ADRA1A: variants seen among roughly 807,000 people sequenced by gnomAD.
ADRA1A encodes adrenoceptor alpha 1A.
A neutral mutation model predicts 29.6 loss-of-function variants in ADRA1A; 31 were observed. The ratio of observed to expected loss-of-function variants is 1.05; its 90% CI spans 0.79 to 1.41. ADRA1A has a LOEUF of 1.41. ADRA1A is among the 40% of genes most tolerant of loss of function. The pLI, the probability that ADRA1A is intolerant of heterozygous loss-of-function variation, is 0.00. For missense variants in ADRA1A, 619 were observed against 601.1 expected (o/e 1.03, Z -0.31); for synonymous variants, 311 against 254.3 (o/e 1.22, Z -2.12).
At chr8:26,834,716 T>A (rs916044306) in intron 2 of ADRA1A, among the ~76,000 whole-genome samples, 1 of 152,182 alleles carries the variant, frequency 6.6e-6, no homozygotes, top group African/African-American at 2.4e-5. Flanking sequence ...ACTGAGTGCA[T>A]CTCCAAGGGC....
rs144101491 is a variant in ADRA1A at position 26,777,374 on chromosome 8, C to T, written c.884-6708G>A. On this transcript the variant is annotated intron_variant, in intron 2 of 2. Transcript: ENST00000380573. ...AAGAGTCCTTAGCTTGTATTAGCTT[C>T]TCGCAGTGCTCTCTGGTGATGGTAA... is the stretch of plus-strand genomic sequence containing the variant. Among the ~76,000 whole-genome samples, 18 of 152,288 alleles carry T rather than the reference C, an allele frequency of 1.2e-4. No individual in the cohort carries two copies. The East Asian group carries it at 3.5e-3, about 29-fold the overall frequency.
In ADRA1A at chr8:26,864,424, C is replaced by G. The variant is rs376900241; in HGVS notation, c.546G>C (p.Pro182=). Residue 182 remains proline (P), a synonymous_variant, in exon 2 of 3, where the codon CCG becomes CCC. Coordinates refer to ENST00000380573, the MANE Select transcript of ADRA1A (RefSeq NM_000680.4). This position sits in a 1 kb window ranked among gnomAD's most constrained non-coding sequence, Gnocchi z 8.1. The stretch of plus-strand genomic sequence containing the variant: ...CCAGCGCTGAGAAGAGCACGTAGCC[C>G]GGCTCCTCGTTGATCTGGCAGATGG... ...DETICQINEE[P]GYVLFSALGS... 2 of 1,613,436 alleles carry G rather than the reference C, an allele frequency of 1.2e-6. No homozygotes were observed. Among genetic ancestry groups the G allele is most frequent in the East Asian group, 2.2e-5 (1 of 44,868 alleles).
chr8:26,816,482 G>A (rs1809767920), intron 2 of ADRA1A, among the ~76,000 whole-genome samples: 1 of 152,056 alleles, frequency 6.6e-6, no homozygotes, highest in Admixed American at 6.6e-5. Flanking sequence ...AAGTAACAGT[G>A]GTCTATGGCT....
At chr8:26,750,946 G>A (rs1002488888) in intron 2 of ADRA1A, among the ~76,000 whole-genome samples, 6 of 152,196 alleles carry the variant, frequency 3.9e-5, no homozygotes, top group African/African-American at 9.6e-5. Flanking sequence ...GCGCATGCCT[G>A]TAATCCCAGC....
chr8:26,826,230 C>A (rs1251295185), intron 2 of ADRA1A, among the ~76,000 whole-genome samples: 1 of 152,206 alleles, frequency 6.6e-6, no homozygotes, highest in Non-Finnish European at 1.5e-5. Context: ...TGAGTGATCT[C>A]TTGCATCTAT....
At position 26,860,686 on chromosome 8, in the gene ADRA1A, T is replaced by C. The variant is rs187891985; in HGVS notation, c.883+3401A>G. ...TTTCACTGAGGACATAAACATATCC[T>C]AAAGAGATCACTATCTCTCTCCCTC... On this transcript the variant is annotated intron_variant, in intron 2 of 2. Coordinates refer to ENST00000380573, the MANE Select transcript of ADRA1A (RefSeq NM_000680.4). The surrounding 1 kb of genome is among the most constrained non-coding windows in gnomAD (Gnocchi z 4.7). Among the ~76,000 whole-genome samples, 59 of 152,304 alleles carry C rather than the reference T, an allele frequency of 3.9e-4. 1 individual carries two copies. Among genetic ancestry groups the C allele is most frequent in the Admixed American group, 1.5e-3 (23 of 15,304 alleles).
At chr8:26,748,916 G>A (rs550284396) in intron 2 of ADRA1A, among the ~76,000 whole-genome samples, 41 of 152,254 alleles carry the variant, frequency 2.7e-4, no homozygotes, top group African/African-American at 9.6e-4. Context: ...CAACCAGAGA[G>A]GACCTCTGAA....
chr8:26,866,841 C>A lies in ADRA1A; in HGVS notation c.-687+95G>T, dbSNP rs1001662929. ...AAAACCTGGTGGAAAAAGCGGGAGG[C>A]GCTGGGAAAAGTGGGGGTTCCGTCT... On this transcript the variant is annotated intron_variant, in intron 1 of 2. Coordinates refer to ENST00000380573, the MANE Select transcript of ADRA1A (RefSeq NM_000680.4). The surrounding 1 kb of genome is among the most constrained non-coding windows in gnomAD (Gnocchi z 5.7). 55 of 984,970 alleles carry A rather than the reference C, an allele frequency of 5.6e-5. No homozygotes were observed. Among genetic ancestry groups the A allele is most frequent in the Non-Finnish European group, 6.1e-5 (51 of 829,750 alleles). 61.0% of individuals were successfully genotyped at this position (984,970 alleles called of 1,614,324 possible). A position where few individuals can be genotyped will look rare whatever the true frequency, so the allele number is the denominator to read the frequency against.
rs1482919877 is a variant in ADRA1A at position 26,825,143 on chromosome 8, C to T, written c.883+38944G>A. ...TGCATGCTCCAGAGAGACCCCCAGC[C>T]CCCACATGTCCCACCCTGAGCTTGC... is the stretch of plus-strand genomic sequence containing the variant. On this transcript the variant is annotated intron_variant, in intron 2 of 2. Coordinates refer to ENST00000380573, the MANE Select transcript of ADRA1A (RefSeq NM_000680.4). This position sits in a 1 kb window ranked among gnomAD's most constrained non-coding sequence, Gnocchi z 5.7. 6.6e-6 allele frequency among the ~76,000 whole-genome samples: 1 copy of T among 152,170 alleles called. No individual in the cohort carries two copies. Among genetic ancestry groups the T allele is most frequent in the Non-Finnish European group, 1.5e-5 (1 of 68,036 alleles).
At chr8:26,836,901 A>G (rs928451445) in intron 2 of ADRA1A, among the ~76,000 whole-genome samples, 2 of 152,118 alleles carry the variant, frequency 1.3e-5, no homozygotes, top group Middle Eastern at 3.2e-3. Flanking sequence ...ACTGTGTGCC[A>G]GTGAATGCAG....
chr8:26,832,302 G>A (rs756559094), intron 2 of ADRA1A, among the ~76,000 whole-genome samples: 4 of 152,118 alleles, frequency 2.6e-5, no homozygotes, highest in African/African-American at 7.2e-5. Flanking sequence ...TTGCAAGCAC[G>A]CATTCCCTTT....
rs752092221 is a variant in ADRA1A, at chr8:26,769,406, C to A, written c.*743G>T. The A allele has an allele frequency of 2.4e-5, 24 of 985,310 alleles. No homozygotes were observed. The highest frequency in any genetic ancestry group is 2.8e-5 in the Non-Finnish European group (23 of 829,938). The allele number at this position is 985,310 out of a possible 1,614,324, so 61.0% of individuals were successfully genotyped here. A position where few individuals can be genotyped will look rare whatever the true frequency, so the allele number is the denominator to read the frequency against. On this transcript the variant is annotated 3_prime_UTR_variant, in exon 3 of 3. Transcript: ENST00000380573. ...TAAATTGAAAGAATGATGCTCAGGTCTATTGTTTTCTCTTGGGAAAAGCCA... is the reference window on the plus strand; with the variant it reads ...TAAATTGAAAGAATGATGCTCAGGTATATTGTTTTCTCTTGGGAAAAGCCA...
rs761604215 is a variant in ADRA1A at position 26,831,519 on chromosome 8, G to T, written c.883+32568C>A. ...CCACTGATCATGGCCAGTTTGGAAA[G>T]GGTGTAGAGGTCACGGAAGTGTCAG... is the stretch of plus-strand genomic sequence containing the variant. On this transcript the variant is annotated intron_variant, in intron 2 of 2. Coordinates refer to ENST00000380573, the MANE Select transcript of ADRA1A (RefSeq NM_000680.4). The surrounding 1 kb of genome is among the most constrained non-coding windows in gnomAD (Gnocchi z 5.2). Among the ~76,000 whole-genome samples, 3 of 152,168 alleles carry T rather than the reference G, an allele frequency of 2.0e-5. No homozygotes were observed. The highest frequency in any genetic ancestry group is 4.4e-5 in the Non-Finnish European group (3 of 68,022).
chr8:26,791,293 A>C lies in ADRA1A; in HGVS notation c.884-20627T>G, dbSNP rs142142215. Among the ~76,000 whole-genome samples the C allele has an allele frequency of 7.4e-4, 112 of 152,182 alleles. 2 individuals carry two copies. In the East Asian group the frequency reaches 0.02, roughly 27 times the overall value. ...AACTATGAAATAAATATTTGTGTGG[A>C]TAGATTTGGAGTATTTTCTTAAGTT... On this transcript the variant is annotated intron_variant, in intron 2 of 2. Transcript: ENST00000380573.
intron 2 of ADRA1A, among the ~76,000 whole-genome samples, chr8:26,817,172 A>G (rs1481945155): frequency 6.6e-6 from 1 of 152,266 alleles, no homozygotes; most frequent in Non-Finnish European, 1.5e-5. Flanking sequence ...ATACAAAACC[A>G]TCAAACGAAG....
rs1162294326 is a variant in ADRA1A, at chr8:26,805,701, T to C, written c.884-35035A>G. The stretch of plus-strand genomic sequence containing the variant: ...GCTGGTGGGTAATAATTACTTGCTA[T>C]GAAAAGTATTACAAGGCTTTCTTTT... On this transcript the variant is annotated intron_variant, in intron 2 of 2. Coordinates refer to ENST00000380573, the MANE Select transcript of ADRA1A (RefSeq NM_000680.4). The surrounding 1 kb of genome is among the most constrained non-coding windows in gnomAD (Gnocchi z 4.8). Among the ~76,000 whole-genome samples, 2 of 152,248 alleles carry C rather than the reference T, an allele frequency of 1.3e-5. No homozygotes were observed. Among genetic ancestry groups the C allele is most frequent in the Non-Finnish European group, 2.9e-5 (2 of 68,040 alleles).
At position 26,806,075 on chromosome 8, in the gene ADRA1A, AG is replaced by A. The variant is rs1808957670; in HGVS notation, c.884-35410del. ...CTTGCTCTTCCTATTTTATCCTTCCAGGCATGTGGCAGCTTTACCTAATGAC... is the reference window on the plus strand; with the variant it reads ...CTTGCTCTTCCTATTTTATCCTTCCAGCATGTGGCAGCTTTACCTAATGAC... On this transcript the variant is annotated intron_variant, in intron 2 of 2. Transcript: ENST00000380573. This position sits in a 1 kb window ranked among gnomAD's most constrained non-coding sequence, Gnocchi z 4.6. 6.6e-6 allele frequency among the ~76,000 whole-genome samples: 1 copy of A among 152,110 alleles called. No individual in the cohort carries two copies. Among genetic ancestry groups the A allele is most frequent in the Non-Finnish European group, 1.5e-5 (1 of 68,016 alleles).
chr8:26,864,346 G>A lies in ADRA1A; in HGVS notation c.624C>T (p.Tyr208=), dbSNP rs1235493087. The A allele has an allele frequency of 3.3e-5, 54 of 1,613,912 alleles. No homozygotes were observed. Among genetic ancestry groups the A allele is most frequent in the Non-Finnish European group, 3.9e-5 (46 of 1,180,018 alleles). The change falls in exon 2 of 3, where the codon TAC becomes TAT. Residue 208 remains tyrosine (Y), a synonymous_variant. Transcript: ENST00000380573. The surrounding 1 kb of genome is among the most constrained non-coding windows in gnomAD (Gnocchi z 8.1). The part of the protein sequence containing the change: ...AIILVMYCRV[Y]VVAKRESRGL... Reference sequence around the variant, plus strand: ...CCCGGCTCTCCCTCTTGGCCACCACGTAGACGCGGCAGTACATGACCAGGA... The same window carrying A: ...CCCGGCTCTCCCTCTTGGCCACCACATAGACGCGGCAGTACATGACCAGGA...
downstream of ADRA1A, among the ~76,000 whole-genome samples, chr8:26,752,738 G>A (rs1804972332): frequency 6.6e-6 from 1 of 152,174 alleles, no homozygotes; most frequent in Non-Finnish European, 1.5e-5. Context: ...TCACCAGGAA[G>A]CAGATGCTCA....
Sources: allele counts gnomAD v4.1 joint callset (sites outside exome capture counted in the v4.1 genomes callset), GRCh38; gene constraint gnomAD v4.1.1; non-coding constraint Gnocchi (gnomAD v3.1); transcripts MANE v1.5; gene names NCBI Gene and HGNC (gene_info 2026-07-23, HGNC 2026-07-21).